The following CUL1 variants were observed in gnomAD, a reference collection of about 807,000 sequenced individuals.
CUL1 encodes the protein cullin-1.
In CUL1, 24 loss-of-function variants were observed where a neutral mutation model predicts 118.0. That is an observed-to-expected ratio of 0.20 (90% CI 0.15 to 0.29). CUL1 has a LOEUF of 0.29. CUL1 is among the 10% of genes least tolerant of loss of function. The pLI is 1.00. For missense variants in CUL1, 361 were observed against 933.8 expected, an observed-to-expected ratio of 0.39 and a Z score of 7.99; for synonymous variants, 332 against 340.4, an observed-to-expected ratio of 0.98 and a Z score of 0.27.
chr7:148,735,368 G>A (rs1484493950), intron 2 of CUL1, among the ~76,000 whole-genome samples: 2 of 152,204 alleles, frequency 1.3e-5, no homozygotes, highest in Non-Finnish European at 2.9e-5. Flanking sequence ...TCCCGTCTTG[G>A]CTGCCGCCAC....
Position 148,792,749 on chromosome 7 carries a change from C to G in CUL1, c.1830C>G (p.Ile610Met), listed in dbSNP as rs1801060480. The G allele has an allele frequency of 6.2e-7, 1 of 1,612,630 alleles. No individual in the cohort carries two copies. Among genetic ancestry groups the G allele is most frequent in the Admixed American group, 1.7e-5 (1 of 59,838 alleles). ...TLQASTFQMAILLQYNTEDAY... is the reference protein window; with the variant it reads ...TLQASTFQMAMLLQYNTEDAY... ...AGGCGTCGACATTCCAGATGGCTAT[C>G]CTGCTTCAGTACAACACGGAAGATG... Residue 610 changes from isoleucine (I) to methionine (M), a missense_variant, in exon 17 of 22, where the codon ATC (isoleucine) becomes ATG (methionine). Coordinates refer to ENST00000325222, the MANE Select transcript of CUL1 (RefSeq NM_003592.3).
intron 1 of CUL1, among the ~76,000 whole-genome samples, chr7:148,699,736 GCCGAACCGGACAGAGCCCCCCGGCGC>G (rs1477149873): frequency 2.6e-5 from 4 of 152,096 alleles, no homozygotes; most frequent in Admixed American, 6.5e-5. Context: ...TAGCCCGGCG[GCCGAACCGGACAGAGCCCCCCGGCGC>G]CCGCCTATCG....
intron 17 of CUL1, among the ~76,000 whole-genome samples, chr7:148,796,778 T>G (rs1471459588): frequency 6.6e-6 from 1 of 152,166 alleles, no homozygotes; most frequent in Non-Finnish European, 1.5e-5. Context: ...CCACAGTAGA[T>G]GCTGTCCAAT....
In CUL1 at chr7:148,750,460, C is replaced by T. The variant is rs539736921; in HGVS notation, c.141-3516C>T. Among the ~76,000 whole-genome samples, 9 of 152,216 alleles carry T rather than the reference C, an allele frequency of 5.9e-5. No individual in the cohort carries two copies. In the South Asian group the frequency reaches 1.9e-3, roughly 32 times the overall value. On this transcript the variant is annotated intron_variant, in intron 2 of 21. Transcript: ENST00000325222. ...GCTGTCCCTTCCCTAGCCCCCCGCC[C>T]CACGACAGGCCCTGGTGTGTGATGT...
chr7:148,759,474 A>C (rs977468523), intron 5 of CUL1, 74 bp from the exon 6 acceptor site: 11 of 1,368,836 alleles, frequency 8.0e-6, no homozygotes, highest in Non-Finnish European at 1.0e-6. Flanking sequence ...GTGGCTGTGA[A>C]TGTTTAAGGG....
In CUL1 at chr7:148,751,434, T is replaced by C. The variant is rs1262927959; in HGVS notation, c.141-2542T>C. Among the ~76,000 whole-genome samples the C allele has an allele frequency of 2.0e-5, 3 of 149,800 alleles. No individual in the cohort carries two copies. In the South Asian group the frequency reaches 6.3e-4, roughly 32 times the overall value. On this transcript the variant is annotated intron_variant, in intron 2 of 21. Transcript: ENST00000325222. ...ATGGTGGCAGGCGCCCGTAATCACA[T>C]CTACTCAGGAGAATCGCTTGATCCC...
At chr7:148,709,640 A>G (rs1029081095) in intron 1 of CUL1, among the ~76,000 whole-genome samples, 5 of 152,254 alleles carry the variant, frequency 3.3e-5, no homozygotes, top group African/African-American at 1.2e-4. Context: ...AATTGTATGA[A>G]ATAAAAAATA....
At chr7:148,755,879 A>G (rs1175076584) in intron 3 of CUL1, among the ~76,000 whole-genome samples, 1 of 152,156 alleles carries the variant, frequency 6.6e-6, no homozygotes, top group Non-Finnish European at 1.5e-5. Flanking sequence ...AGTCTGTTGT[A>G]GCCATTTAGT....
At chr7:148,764,653 T>A (rs1250630778) in intron 7 of CUL1, among the ~76,000 whole-genome samples, 1 of 152,252 alleles carries the variant, frequency 6.6e-6, no homozygotes, top group Non-Finnish European at 1.5e-5. Flanking sequence ...AAAGTGGTGC[T>A]GTTTGGTTTG....
chr7:148,760,505 AAAT>A lies in CUL1; in HGVS notation c.789+11_789+13del. 6.3e-7 allele frequency: 1 copy of A among 1,598,688 alleles called. No individual in the cohort carries two copies. Among genetic ancestry groups the A allele is most frequent in the Non-Finnish European group, 8.5e-7 (1 of 1,170,994 alleles). Reference sequence around the variant, plus strand: ...CTGAATATATGAAAAAGGTAAGCTTAAATATAGTACTTTAAGTAGACTTAAGTT... The same window carrying A: ...CTGAATATATGAAAAAGGTAAGCTTAATAGTACTTTAAGTAGACTTAAGTT... On this transcript the variant is annotated intron_variant, in intron 7 of 21. Coordinates refer to ENST00000325222, the MANE Select transcript of CUL1 (RefSeq NM_003592.3).
intron 1 of CUL1, among the ~76,000 whole-genome samples, chr7:148,706,696 G>A (rs2129458913): frequency 6.6e-6 from 1 of 150,502 alleles, no homozygotes. Flanking sequence ...CGGGGGGCGG[G>A]GTGGGTGTTT....
chr7:148,798,879 G>T (rs1010328189), intron 20 of CUL1, among the ~76,000 whole-genome samples: 4 of 152,202 alleles, frequency 2.6e-5, no homozygotes, highest in Non-Finnish European at 5.9e-5. Flanking sequence ...AAACAGGGCA[G>T]TCCTCTTGCT....
chr7:148,747,430 CCT>C (rs1799340919), intron 2 of CUL1, among the ~76,000 whole-genome samples: 1 of 152,136 alleles, frequency 6.6e-6, no homozygotes, highest in African/African-American at 2.4e-5. Flanking sequence ...CCATTGTGAG[CCT>C]CTGTGTGGCA....
At chr7:148,763,699 A>G (rs1010451831) in intron 7 of CUL1, among the ~76,000 whole-genome samples, 2 of 152,258 alleles carry the variant, frequency 1.3e-5, no homozygotes, top group African/African-American at 4.8e-5. Flanking sequence ...TTACAAATAT[A>G]CATCCCACAA....
At chr7:148,725,957 G>A (rs1332266336) in intron 1 of CUL1, among the ~76,000 whole-genome samples, 1 of 152,180 alleles carries the variant, frequency 6.6e-6, no homozygotes, top group African/African-American at 2.4e-5. Context: ...GGATAGAGAA[G>A]AATAAATCAC....
chr7:148,729,741 A>G (rs959455071), intron 1 of CUL1, among the ~76,000 whole-genome samples: 2 of 152,174 alleles, frequency 1.3e-5, no homozygotes, highest in African/African-American at 4.8e-5. Context: ...GCAAACTTTT[A>G]CCCAGGTTTT....
Position 148,730,220 on chromosome 7 carries a change from C to T in CUL1, c.98C>T (p.Thr33Ile). The change falls in exon 2 of 22, where the codon ACA becomes ATA. Residue 33 changes from threonine to isoleucine, a missense_variant. Transcript: ENST00000325222. ...AGAGCCGGCATCCAGCAGGTGTACA[C>T]ACGGCAGAGCATGGCCAAGTCCAGA... ...DLRAGIQQVY[T>I]RQSMAKSRYM... 6.2e-7 allele frequency: 1 copy of T among 1,614,156 alleles called. No individual in the cohort carries two copies. Among genetic ancestry groups the T allele is most frequent in the Non-Finnish European group, 8.5e-7 (1 of 1,180,032 alleles).
At chr7:148,775,642 A>T (rs1302500713) in intron 9 of CUL1, among the ~76,000 whole-genome samples, 2 of 152,224 alleles carry the variant, frequency 1.3e-5, no homozygotes, top group South Asian at 4.1e-4. Context: ...AAAAGCTGAT[A>T]TATGCTGATA....
At chr7:148,757,447 C>T (rs1194311438) in intron 4 of CUL1, among the ~76,000 whole-genome samples, 3 of 152,116 alleles carry the variant, frequency 2.0e-5, no homozygotes, top group Non-Finnish European at 4.4e-5. Context: ...CCTGAGTTTT[C>T]GCACTGAAAG....
Sources: gnomAD v4.1 joint callset for allele counts (sites outside exome capture counted in the v4.1 genomes callset) on GRCh38, gnomAD v4.1.1 for gene constraint, MANE v1.5 for transcripts, NCBI Gene and HGNC (gene_info 2026-07-23, HGNC 2026-07-21) for gene names.